Variants in ARFGEF3 observed in about 807,000 individuals in gnomAD.
ARFGEF3 encodes the protein brefeldin A-inhibited guanine nucleotide-exchange protein 3.
Under a neutral mutation model 221.7 loss-of-function variants are expected in ARFGEF3, and 96 were observed. The observed-to-expected ratio is 0.43, with a 90% CI of 0.37 to 0.51. The LOEUF is 0.51. Ranked by LOEUF, ARFGEF3 falls within the 20% of genes least tolerant of loss-of-function variation. The pLI is 0.00. For synonymous variants in ARFGEF3, 1,145 were observed against 1,126.8 expected (o/e 1.02, Z -0.32); for missense variants, 2,410 against 2,789.9 (o/e 0.86, Z 3.07).
chr6:138,229,800 C>T lies in ARFGEF3; in HGVS notation c.368C>T (p.Thr123Ile), dbSNP rs971861861. 1.9e-6 allele frequency: 3 copies of T among 1,613,598 alleles called. No individual in the cohort carries two copies. The highest frequency in any genetic ancestry group is 8.5e-7 in the Non-Finnish European group (1 of 1,179,654). The change falls in exon 5 of 34, where the codon ACC becomes ATC. Residue 123 changes from threonine to isoleucine, a missense_variant. By Grantham distance (89) the Thr-to-Ile change is moderately conservative. This residue lies in a region of ARFGEF3 where 570 missense variants were observed against 586.9 expected (regional missense o/e 0.97). Coordinates refer to ENST00000251691, the MANE Select transcript of ARFGEF3 (RefSeq NM_020340.5). ...TTGTTAAAGGTTTTACTATGCATCA[C>T]CTACACGCCAACATTTGATCTGAAT... ...VEVMKVLLCITYTPTFDLNGS... is the reference protein window; with the variant it reads ...VEVMKVLLCIIYTPTFDLNGS...
chr6:138,248,820 C>T (rs1301353266), intron 8 of ARFGEF3, among the ~76,000 whole-genome samples: 2 of 151,726 alleles, frequency 1.3e-5, no homozygotes, highest in African/African-American at 4.9e-5. Context: ...AGCAAAACTC[C>T]GAAATAAATA....
Position 138,280,153 on chromosome 6 carries a change from C to T in ARFGEF3, c.2450C>T (p.Thr817Ile), listed in dbSNP as rs759933166. 2 of 1,613,530 alleles carry T rather than the reference C, an allele frequency of 1.2e-6. No individual in the cohort carries two copies. The highest frequency in any genetic ancestry group is 3.3e-5 in the Admixed American group (2 of 59,974). Reference sequence around the variant, plus strand: ...GAAGATAACAGCCTTCCCCTCATCACAATGCTGACCGGTCAGTGGTTCGTT... The same window carrying T: ...GAAGATAACAGCCTTCCCCTCATCATAATGCTGACCGGTCAGTGGTTCGTT... ...SPEDNSLPLI[T>I]MLTDIDGLES... Residue 817 changes from threonine to isoleucine, a missense_variant, in exon 14 of 34, where the codon ACA becomes ATA. Transcript: ENST00000251691.
chr6:138,333,762 A>G (rs1048618302), intron 32 of ARFGEF3, among the ~76,000 whole-genome samples: 2 of 152,132 alleles, frequency 1.3e-5, no homozygotes, highest in African/African-American at 4.8e-5. Flanking sequence ...AATTTTTTTA[A>G]GTGTCAAGAA....
At chr6:138,286,953 G>A in intron 16 of ARFGEF3, 37 bp downstream of exon 16, 1 of 1,605,894 alleles carries the variant, frequency 6.2e-7, no homozygotes, top group South Asian at 1.1e-5. Context: ...CCGTGGTCCT[G>A]CAGAACTCAC....
chr6:138,299,567 C>G (rs1299037340), intron 22 of ARFGEF3, among the ~76,000 whole-genome samples: 18 of 152,158 alleles, frequency 1.2e-4, no homozygotes, highest in Non-Finnish European at 2.9e-5. Flanking sequence ...TTTTAAATAC[C>G]TTGACACACT....
At chr6:138,190,208 A>G (rs151289310) in intron 2 of ARFGEF3, among the ~76,000 whole-genome samples, 4 of 152,192 alleles carry the variant, frequency 2.6e-5, no homozygotes, top group Non-Finnish European at 5.9e-5. Context: ...TGAACCAAGC[A>G]GGATAAACAT....
chr6:138,197,911 T>TA (rs1777460873), intron 2 of ARFGEF3, among the ~76,000 whole-genome samples: 1 of 152,090 alleles, frequency 6.6e-6, no homozygotes, highest in Non-Finnish European at 1.5e-5. Context: ...ATGGAAAGTA[T>TA]AAAAAAAGAA....
At chr6:138,272,654 G>A (rs188049287) in intron 12 of ARFGEF3, among the ~76,000 whole-genome samples, 3 of 152,304 alleles carry the variant, frequency 2.0e-5, no homozygotes, top group East Asian at 3.9e-4. Context: ...TCTATCAGAA[G>A]ATAAAGCAGT....
chr6:138,210,805 A>T (rs1777712404), intron 4 of ARFGEF3, among the ~76,000 whole-genome samples: 3 of 152,234 alleles, frequency 2.0e-5, no homozygotes, highest in Non-Finnish European at 4.4e-5. Context: ...AGTTGGTGTC[A>T]TCCCATGGTG....
At chr6:138,259,924 A>G (rs182820151) in intron 10 of ARFGEF3, among the ~76,000 whole-genome samples, 293 of 152,170 alleles carry the variant, frequency 1.9e-3, no homozygotes, top group African/African-American at 6.3e-3. Context: ...TAAAAAAAAA[A>G]ATTATCGAAT....
rs770645615 is a variant in ARFGEF3 at position 138,238,564 on chromosome 6, T to G, written c.476T>G (p.Val159Gly). ...CACCAGCGTAGCATAAACACTGCTG[T>G]GCGGGCAACTCTCAGTCAAATGCTG... Reference protein sequence around the residue: ...SCHQRSINTAVRATLSQMLSD... With the variant: ...SCHQRSINTAGRATLSQMLSD... Residue 159 changes from valine to glycine, a missense_variant, in exon 6 of 34, where the codon GTG becomes GGG. Transcript: ENST00000251691. 1.2e-6 allele frequency: 2 copies of G among 1,613,874 alleles called. No homozygotes were observed. The highest frequency in any genetic ancestry group is 1.7e-6 in the Non-Finnish European group (2 of 1,179,778).
At chr6:138,177,236 A>G (rs1776971974) in intron 2 of ARFGEF3, among the ~76,000 whole-genome samples, 1 of 151,684 alleles carries the variant, frequency 6.6e-6, no homozygotes, top group Non-Finnish European at 1.5e-5. Flanking sequence ...CTACAGGCAT[A>G]TGTCACCACA....
intron 12 of ARFGEF3, among the ~76,000 whole-genome samples, chr6:138,273,413 TATAGAG>T (rs1779039020): frequency 6.6e-6 from 1 of 152,166 alleles, no homozygotes; most frequent in African/African-American, 2.4e-5. Context: ...ACATCTTAAT[TATAGAG>T]AGAGAGAATG....
Position 138,294,044 on chromosome 6 carries a change from T to A in ARFGEF3, c.3420T>A (p.Phe1140Leu). Residue 1140 changes from phenylalanine to leucine, a missense_variant, in exon 20 of 34, where the codon TTT becomes TTA. Phe to Leu is a conservative substitution (Grantham distance 22). Around this residue, in one of 5 missense-constraint regions of ARFGEF3, gnomAD observed 723 missense variants for 991.9 expected, o/e 0.73. Coordinates refer to ENST00000251691, the MANE Select transcript of ARFGEF3 (RefSeq NM_020340.5). ...TGAACCTCATGGCCTTGGGAGGTTT[T>A]CTTTACCAGCTGAAGAAAGCATCGC... ...DKLNLMALGG[F>L]LYQLKKASQS... is the part of the protein sequence containing the mutation. 2.1e-5 allele frequency: 34 copies of A among 1,613,986 alleles called. No individual in the cohort carries two copies. Among genetic ancestry groups the A allele is most frequent in the Non-Finnish European group, 2.9e-5 (34 of 1,179,840 alleles).
intron 7 of ARFGEF3, among the ~76,000 whole-genome samples, chr6:138,244,991 C>T (rs1464644978): frequency 1.3e-5 from 2 of 152,082 alleles, no homozygotes; most frequent in African/African-American, 4.8e-5. Flanking sequence ...CTATCTTTTG[C>T]GTGTTTTGCT....
At chr6:138,235,106 A>G (rs1178864541) in intron 5 of ARFGEF3, among the ~76,000 whole-genome samples, 1 of 152,188 alleles carries the variant, frequency 6.6e-6, no homozygotes, top group East Asian at 1.9e-4. Context: ...TAGTATTGTT[A>G]TCTATCAGTC....
At chr6:138,329,764 T>TC (rs1377175416) in intron 32 of ARFGEF3, among the ~76,000 whole-genome samples, 3 of 152,096 alleles carry the variant, frequency 2.0e-5, no homozygotes, top group Admixed American at 2.0e-4. Flanking sequence ...ACAGAATGTG[T>TC]CCCCCCACAT....
At chr6:138,218,514 C>T in intron 4 of ARFGEF3, 1 of 1,425,312 alleles carries the variant, frequency 7.0e-7, no homozygotes, top group Non-Finnish European at 9.2e-7. Flanking sequence ...CATGATTCCA[C>T]AATCTAAGGA....
rs752940449 is a variant in ARFGEF3 at position 138,280,160 on chromosome 6, G to A, written c.2457G>A (p.Leu819=). ...ACAGCCTTCCCCTCATCACAATGCT[G>A]ACCGGTCAGTGGTTCGTTGCAAGGC... is the stretch of plus-strand genomic sequence containing the variant. ...EDNSLPLITM[L]TDIDGLESSA... is the part of the protein sequence containing the mutation. Residue 819 remains leucine (L), a synonymous_variant, in exon 14 of 34, where the codon CTG becomes CTA. Coordinates refer to ENST00000251691, the MANE Select transcript of ARFGEF3 (RefSeq NM_020340.5). The A allele has an allele frequency of 6.2e-7, 1 of 1,613,562 alleles. No homozygotes were observed. Among genetic ancestry groups the A allele is most frequent in the Admixed American group, 1.7e-5 (1 of 59,988 alleles).
Sources: gnomAD v4.1 joint callset for allele counts (sites outside exome capture counted in the v4.1 genomes callset) on GRCh38, gnomAD v4.1.1 for gene constraint, gnomAD v4.1.1 regional missense constraint, MANE v1.5 for transcripts, NCBI Gene and HGNC (gene_info 2026-07-23, HGNC 2026-07-21) for gene names.